OTULINL: variants seen among roughly 807,000 people sequenced by gnomAD.
OTULINL encodes OTU deubiquitinase with linear linkage specificity like.
A neutral mutation model predicts 43.9 loss-of-function variants in OTULINL; 42 were observed. That is an observed-to-expected ratio of 0.96 (90% CI 0.75 to 1.24). OTULINL has a LOEUF of 1.24. Among genes scored for constraint, OTULINL ranks in the 50% most tolerant of loss-of-function variants. The pLI, the probability that OTULINL is intolerant of heterozygous loss-of-function variation, is 0.00. For missense variants in OTULINL, 411 were observed against 426.4 expected, an observed-to-expected ratio of 0.96 and a Z score of 0.32; for synonymous variants, 172 against 153.6, an observed-to-expected ratio of 1.12 and a Z score of -0.88.
intron 1 of OTULINL, among the ~76,000 whole-genome samples, chr5:14,582,619 C>T: frequency 6.6e-6 from 1 of 152,026 alleles, no homozygotes; most frequent in East Asian, 1.9e-4. Flanking sequence ...CATAGCGAAA[C>T]CCTGGCCAGC....
chr5:14,598,450 A>C (rs911925323), intron 1 of OTULINL, among the ~76,000 whole-genome samples: 1 of 152,204 alleles, frequency 6.6e-6, no homozygotes, highest in Non-Finnish European at 1.5e-5. Flanking sequence ...GTCAAAACTG[A>C]AAATGTGCAC....
intron 7 of OTULINL, 131 bp downstream of exon 7, chr5:14,609,148 G>A (rs1297434275): frequency 5.5e-6 from 5 of 904,836 alleles, no homozygotes; most frequent in Admixed American, 4.7e-5. Flanking sequence ...TGATATTATC[G>A]CCCCTCAAAT....
intron 1 of OTULINL, among the ~76,000 whole-genome samples, chr5:14,582,405 A>G (rs1022426250): frequency 5.3e-5 from 8 of 151,844 alleles, no homozygotes; most frequent in Non-Finnish European, 1.2e-4. Context: ...TGACGGAGGG[A>G]GTTGCGTTTC....
At position 14,609,376 on chromosome 5, in the gene OTULINL, T is replaced by C. The variant is rs564178616; in HGVS notation, c.897+359T>C. 8.5e-5 allele frequency among the ~76,000 whole-genome samples: 13 copies of C among 152,336 alleles called. No homozygotes were observed. The East Asian group carries it at 2.5e-3, about 29-fold the overall frequency. On this transcript the variant is annotated intron_variant, in intron 7 of 7. Transcript: ENST00000274217. Reference sequence around the variant, plus strand: ...CGTTTGGTTACCTATTGCAGATAAATAGAAATTAATTGAAACTTTCTAAAG... The same window carrying C: ...CGTTTGGTTACCTATTGCAGATAAACAGAAATTAATTGAAACTTTCTAAAG...
At chr5:14,585,793 G>T (rs530580939) in intron 1 of OTULINL, among the ~76,000 whole-genome samples, 1 of 152,350 alleles carries the variant, frequency 6.6e-6, no homozygotes, top group South Asian at 2.1e-4. Context: ...CCTGGCATGG[G>T]ACTCCACTCA....
chr5:14,588,086 T>G (rs1435029730), intron 1 of OTULINL, among the ~76,000 whole-genome samples: 1 of 152,172 alleles, frequency 6.6e-6, no homozygotes, highest in Non-Finnish European at 1.5e-5. Context: ...TGCTGGCATT[T>G]GTCAAGATCT....
chr5:14,589,190 A>G (rs1045763315), intron 1 of OTULINL, among the ~76,000 whole-genome samples: 1 of 152,178 alleles, frequency 6.6e-6, no homozygotes, highest in Non-Finnish European at 1.5e-5. Context: ...CACAAACACA[A>G]TTGTGTAAAC....
chr5:14,581,986 C>CG (rs1236556834), intron 1 of OTULINL, 28 bp downstream of exon 1: 3 of 857,778 alleles, frequency 3.5e-6, no homozygotes, highest in South Asian at 3.8e-5. Context: ...CGGGGCGGGG[C>CG]GGGGGGCGCG....
chr5:14,614,726 G>A lies in OTULINL; in HGVS notation c.*4412G>A, dbSNP rs552338510. The A allele has an allele frequency of 1.0e-5, 4 of 398,556 alleles. No homozygotes were observed. The Admixed American group carries it at 1.8e-4, about 18-fold the overall frequency. 24.7% of individuals were successfully genotyped at this position (398,556 alleles called of 1,614,324 possible). On this transcript the variant is annotated 3_prime_UTR_variant, in exon 8 of 8. Transcript: ENST00000274217. ...TTGGAGGAGACTCAAGCTCCATGTG[G>A]GAACAGTGTGGCCCAAGAGCCAGCA... is the stretch of plus-strand genomic sequence containing the variant.
At chr5:14,602,547 T>C (rs565348733) in intron 5 of OTULINL, among the ~76,000 whole-genome samples, 7 of 152,266 alleles carry the variant, frequency 4.6e-5, no homozygotes, top group Admixed American at 2.0e-4. Flanking sequence ...GTGATTCTCC[T>C]ATCTCAGCCT....
chr5:14,590,552 T>C (rs1448846925), intron 1 of OTULINL, among the ~76,000 whole-genome samples: 1 of 152,160 alleles, frequency 6.6e-6, no homozygotes, highest in Non-Finnish European at 1.5e-5. Flanking sequence ...TATGAGTCCA[T>C]GATAGGAGAC....
At chr5:14,609,154 C>A in intron 7 of OTULINL, 137 bp downstream of exon 7, 1 of 864,052 alleles carries the variant, frequency 1.2e-6, no homozygotes, top group Non-Finnish European at 1.8e-6. Flanking sequence ...TATCGCCCCT[C>A]AAATGAGGAA....
At chr5:14,594,983 A>G (rs1759262027) in intron 1 of OTULINL, among the ~76,000 whole-genome samples, 1 of 152,170 alleles carries the variant, frequency 6.6e-6, no homozygotes, top group Non-Finnish European at 1.5e-5. Context: ...ATAATAGGAC[A>G]TTGAAGCAGA....
intron 1 of OTULINL, among the ~76,000 whole-genome samples, chr5:14,589,560 T>C (rs570802690): frequency 1.8e-3 from 278 of 152,236 alleles, no homozygotes; most frequent in Non-Finnish European, 3.1e-3. Context: ...ATGTGGGGCT[T>C]TCAGTGCTAA....
At chr5:14,588,874 C>T (rs1446623316) in intron 1 of OTULINL, among the ~76,000 whole-genome samples, 2 of 152,216 alleles carry the variant, frequency 1.3e-5, no homozygotes, top group African/African-American at 4.8e-5. Flanking sequence ...GGCCAGAATT[C>T]ACTCACACAG....
intron 7 of OTULINL, among the ~76,000 whole-genome samples, 183 bp from the exon 8 acceptor site, chr5:14,609,958 C>T (rs759771535): frequency 2.0e-5 from 3 of 152,184 alleles, no homozygotes; most frequent in Non-Finnish European, 2.9e-5. Context: ...TTCCTATGCT[C>T]GTCCCCTTCC....
At chr5:14,603,878 T>C (rs938015315) in intron 5 of OTULINL, among the ~76,000 whole-genome samples, 1 of 152,180 alleles carries the variant, frequency 6.6e-6, no homozygotes, top group African/African-American at 2.4e-5. Context: ...TGCAAAGAAA[T>C]ATAAAATATG....
intron 1 of OTULINL, among the ~76,000 whole-genome samples, chr5:14,582,882 G>A (rs1006441432): frequency 7.9e-5 from 12 of 151,460 alleles, no homozygotes; most frequent in African/African-American, 2.4e-4. Context: ...GTTCAGTCAG[G>A]TGCTGGGTCT....
chr5:14,583,234 A>T (rs1759047213), intron 1 of OTULINL, among the ~76,000 whole-genome samples: 1 of 152,136 alleles, frequency 6.6e-6, no homozygotes, highest in Non-Finnish European at 1.5e-5. Flanking sequence ...TCATCCATAA[A>T]ATGAGAGCCT....
Sources: gnomAD v4.1 joint callset for allele counts (sites outside exome capture counted in the v4.1 genomes callset) on GRCh38, gnomAD v4.1.1 for gene constraint, MANE v1.5 for transcripts, NCBI Gene and HGNC (gene_info 2026-07-23, HGNC 2026-07-21) for gene names.